Variants in ARHGAP18 observed in about 807,000 individuals in gnomAD.
The protein encoded by ARHGAP18 is rho GTPase-activating protein 18.
In ARHGAP18, 67 loss-of-function variants were observed where a neutral mutation model predicts 86.2. The observed-to-expected ratio is 0.78, with a 90% CI of 0.64 to 0.95. The LOEUF is 0.95. Among genes scored for constraint, ARHGAP18 ranks in the 40% least tolerant of loss-of-function variants. ARHGAP18 has a pLI of 0.00. For synonymous variants in ARHGAP18, 283 were observed against 280.4 expected (o/e 1.01, Z -0.09); for missense variants, 691 against 780.4 (o/e 0.89, Z 1.37).
intron 5 of ARHGAP18, among the ~76,000 whole-genome samples, chr6:129,625,127 TATATATG>T (rs1327022254): frequency 1.7e-4 from 1 of 5,940 alleles, no homozygotes; most frequent in African/African-American, 2.3e-4. Context: ...AGATATATAT[TATATATG>T]ATATATATTA....
chr6:129,625,080 A>G, intron 5 of ARHGAP18, among the ~76,000 whole-genome samples: 1 of 102,876 alleles, frequency 9.7e-6, no homozygotes, highest in African/African-American at 4.0e-5. Flanking sequence ...TATAATATAT[A>G]TGATATATGA....
chr6:129,650,068 A>G (rs1186162391), intron 1 of ARHGAP18, among the ~76,000 whole-genome samples: 1 of 143,644 alleles, frequency 7.0e-6, no homozygotes, highest in African/African-American at 2.6e-5. Flanking sequence ...ATGTGCCACC[A>G]CACCTGGCTA....
intron 4 of ARHGAP18, 124 bp downstream of exon 4, chr6:129,633,918 C>A: frequency 5.0e-6 from 4 of 801,276 alleles, no homozygotes; most frequent in Non-Finnish European, 7.7e-6. Context: ...CCACTTGAGA[C>A]CTTACATTAA....
intron 10 of ARHGAP18, among the ~76,000 whole-genome samples, chr6:129,602,466 A>G (rs914799591): frequency 5.9e-5 from 9 of 151,546 alleles, no homozygotes; most frequent in African/African-American, 2.2e-4. Context: ...AAAAAGGAAA[A>G]AAAGTATCTA....
intron 1 of ARHGAP18, among the ~76,000 whole-genome samples, chr6:129,666,799 A>G (rs1414869659): frequency 1.3e-5 from 2 of 152,250 alleles, no homozygotes; most frequent in Non-Finnish European, 2.9e-5. Context: ...TTTACTAAAC[A>G]TTTCTGTGTA....
chr6:129,602,408 G>A (rs1201809855), intron 10 of ARHGAP18, among the ~76,000 whole-genome samples: 1 of 151,756 alleles, frequency 6.6e-6, no homozygotes, highest in African/African-American at 2.4e-5. Flanking sequence ...TTCAGAGTTA[G>A]CCTAAAATCC....
chr6:129,625,962 T>TCAA (rs1562698745), intron 5 of ARHGAP18, among the ~76,000 whole-genome samples: 6 of 84,586 alleles, frequency 7.1e-5, no homozygotes, highest in African/African-American at 2.6e-4. Context: ...ATATTATATA[T>TCAA]TTATATATTA....
At chr6:129,597,380 G>A (rs1019111945) in intron 12 of ARHGAP18, among the ~76,000 whole-genome samples, 1 of 152,046 alleles carries the variant, frequency 6.6e-6, no homozygotes, top group African/African-American at 2.4e-5. Flanking sequence ...CAAAATGACA[G>A]GCCAAACAGA....
intron 9 of ARHGAP18, 82 bp from the exon 10 acceptor site, chr6:129,606,041 A>G (rs1788847289): frequency 2.1e-5 from 28 of 1,356,516 alleles, no homozygotes; most frequent in Non-Finnish European, 2.9e-5. Flanking sequence ...TTTAAGAAAA[A>G]AGTTATTTGG....
intron 10 of ARHGAP18, among the ~76,000 whole-genome samples, chr6:129,603,291 G>C (rs1788785694): frequency 6.6e-6 from 1 of 152,004 alleles, no homozygotes; most frequent in Admixed American, 6.6e-5. Context: ...ATGGCTTCCG[G>C]TTCCATCCAA....
rs1225415527 is a variant in ARHGAP18 at position 129,676,912 on chromosome 6, CCTCTTT to C, written c.113+33106_113+33111del. On this transcript the variant is annotated intron_variant, in intron 1 of 14. Transcript: ENST00000368149. ...TGAAAACAGATGAAAAATTTTTTGT[CCTCTTT>C]TTTTTTTTTTTTTTTTTTTTTTTTT... Among the ~76,000 whole-genome samples, 709 of 103,850 alleles carry C rather than the reference CCTCTTT, an allele frequency of 6.8e-3. 23 individuals are homozygous for C. The highest frequency in any genetic ancestry group is 0.029 in the African/African-American group (655 of 22,832). The allele number at this position is 103,850 out of a possible 152,430, so 68.1% of individuals were successfully genotyped here. A position where few individuals can be genotyped will look rare whatever the true frequency, so the allele number is the denominator to read the frequency against.
intron 10 of ARHGAP18, among the ~76,000 whole-genome samples, chr6:129,605,314 T>C (rs1163388621): frequency 6.6e-6 from 1 of 152,142 alleles, no homozygotes; most frequent in African/African-American, 2.4e-5. Flanking sequence ...AAAATGGTGA[T>C]ATAAATCAGA....
chr6:129,617,364 T>C (rs1157631274), intron 6 of ARHGAP18, among the ~76,000 whole-genome samples: 1 of 152,114 alleles, frequency 6.6e-6, no homozygotes, highest in Non-Finnish European at 1.5e-5. Flanking sequence ...GGGATTATCT[T>C]GTGGTATGAG....
chr6:129,611,296 T>G (rs1788974204), intron 8 of ARHGAP18, among the ~76,000 whole-genome samples: 1 of 152,174 alleles, frequency 6.6e-6, no homozygotes, highest in Non-Finnish European at 1.5e-5. Flanking sequence ...CACATTCTTT[T>G]GTCATAGTAT....
chr6:129,649,743 T>C (rs1455268682), intron 1 of ARHGAP18, among the ~76,000 whole-genome samples: 1 of 151,812 alleles, frequency 6.6e-6, no homozygotes, highest in Non-Finnish European at 1.5e-5. Context: ...TCACATTACC[T>C]AAGCAAAACT....
At chr6:129,622,955 C>A (rs991937911) in intron 5 of ARHGAP18, among the ~76,000 whole-genome samples, 1 of 138,324 alleles carries the variant, frequency 7.2e-6, no homozygotes, top group African/African-American at 2.7e-5. Context: ...GAGCCGAGAT[C>A]GCGCCATTGC....
chr6:129,588,228 C>T (rs1788439495), intron 12 of ARHGAP18, among the ~76,000 whole-genome samples: 1 of 152,076 alleles, frequency 6.6e-6, no homozygotes, highest in East Asian at 1.9e-4. Flanking sequence ...AGCGATTCTC[C>T]TGCCTCATCC....
Position 129,607,926 on chromosome 6 carries a change from C to T in ARHGAP18, c.1249G>A (p.Val417Met), listed in dbSNP as rs770047769. ...IRELPQPLLS[V>M]EYLKAFQAVQ... ...GCCTGAAAGGCTTTGAGATACTCCACACTGAGCAGTGGCTGGGGCAACTCC... is the reference window on the plus strand; with the variant it reads ...GCCTGAAAGGCTTTGAGATACTCCATACTGAGCAGTGGCTGGGGCAACTCC... Residue 417 changes from valine (V) to methionine (M), a missense_variant, in exon 9 of 15, where the codon GTG becomes ATG. Val to Met is a conservative substitution (Grantham distance 21). Transcript: ENST00000368149. The T allele has an allele frequency of 6.2e-7, 1 of 1,613,658 alleles. No homozygotes were observed. The highest frequency in any genetic ancestry group is 1.7e-5 in the Admixed American group (1 of 59,934).
At chr6:129,651,478 T>C (rs537370876) in intron 1 of ARHGAP18, among the ~76,000 whole-genome samples, 1 of 152,180 alleles carries the variant, frequency 6.6e-6, no homozygotes, top group Non-Finnish European at 1.5e-5. Flanking sequence ...GTTGGGTGCC[T>C]TATCACAGAT....
Sources: allele counts gnomAD v4.1 joint callset (sites outside exome capture counted in the v4.1 genomes callset), GRCh38; gene constraint gnomAD v4.1.1; transcripts MANE v1.5; gene names NCBI Gene and HGNC (gene_info 2026-07-23, HGNC 2026-07-21).